Variants in UNC13B observed in about 807,000 individuals in gnomAD.
UNC13B encodes protein unc-13 homolog B.
A neutral mutation model predicts 211.0 loss-of-function variants in UNC13B; 144 were observed. The ratio of observed to expected loss-of-function variants is 0.68; its 90% CI spans 0.60 to 0.78. The LOEUF is 0.78. Among genes scored for constraint, UNC13B ranks in the 30% least tolerant of loss-of-function variants. The pLI is 0.00. For synonymous variants in UNC13B, 709 were observed against 725.8 expected, an observed-to-expected ratio of 0.98 and a Z score of 0.37; for missense variants, 1,777 against 2,002.0, an observed-to-expected ratio of 0.89 and a Z score of 2.14.
chr9:35,241,485 C>T (rs947149046), intron 5 of UNC13B, among the ~76,000 whole-genome samples: 4 of 151,630 alleles, frequency 2.6e-5, no homozygotes, highest in African/African-American at 9.7e-5. Flanking sequence ...TTCAGAAATC[C>T]ATTTTCTTCC....
intron 11 of UNC13B, among the ~76,000 whole-genome samples, chr9:35,346,022 T>C (rs1237696509): frequency 6.6e-6 from 1 of 152,220 alleles, no homozygotes; most frequent in Non-Finnish European, 1.5e-5. Flanking sequence ...ACTGGGACCT[T>C]GCTAAGCCTT....
chr9:35,318,597 C>T (rs559873293), intron 11 of UNC13B, among the ~76,000 whole-genome samples: 1 of 152,328 alleles, frequency 6.6e-6, no homozygotes, highest in East Asian at 1.9e-4. Context: ...TCCATATCAG[C>T]TCTAAGAAAA....
At chr9:35,226,353 G>T (rs928360800) in intron 1 of UNC13B, among the ~76,000 whole-genome samples, 8 of 150,546 alleles carry the variant, frequency 5.3e-5, no homozygotes, top group African/African-American at 1.9e-4. Flanking sequence ...GAACTGATAG[G>T]GTGTGTGTGT....
chr9:35,172,471 T>C (rs1821386296), intron 1 of UNC13B, among the ~76,000 whole-genome samples: 1 of 152,192 alleles, frequency 6.6e-6, no homozygotes, highest in Non-Finnish European at 1.5e-5. Context: ...ATCCTCCCTC[T>C]CCTGTTTCCT....
rs1057284236 is a variant in UNC13B at position 35,388,095 on chromosome 9, A to G, written c.11095-1751A>G. ...AATGCTTGGAGGCACAGAATTATGT[A>G]TGAGCTTGTTAATTTAAAGAAATAT... On this transcript the variant is annotated intron_variant, in intron 24 of 39. Coordinates refer to ENST00000635942, the MANE Select transcript of UNC13B (RefSeq NM_001371189.2). Among the ~76,000 whole-genome samples the G allele has an allele frequency of 3.3e-5, 5 of 152,078 alleles. No homozygotes were observed. In the East Asian group the frequency reaches 5.8e-4, roughly 18 times the overall value.
At chr9:35,277,683 A>G (rs1011196699) in intron 7 of UNC13B, among the ~76,000 whole-genome samples, 1 of 152,156 alleles carries the variant, frequency 6.6e-6, no homozygotes, top group African/African-American at 2.4e-5. Context: ...AGGCTAGGAA[A>G]GAATTAATGG....
intron 25 of UNC13B, 112 bp from the exon 26 acceptor site, chr9:35,390,517 G>A (rs941298360): frequency 9.2e-6 from 11 of 1,201,416 alleles, no homozygotes; most frequent in Non-Finnish European, 1.3e-5. Flanking sequence ...TGTTCCCTAA[G>A]CATCTCCTCT....
At chr9:35,283,000 A>G (rs1564111988) in intron 7 of UNC13B, among the ~76,000 whole-genome samples, 1 of 152,304 alleles carries the variant, frequency 6.6e-6, no homozygotes, top group East Asian at 1.9e-4. Context: ...GTTTGAGTAT[A>G]CTATAATTTA....
At chr9:35,215,934 T>C (rs1438768064) in intron 1 of UNC13B, among the ~76,000 whole-genome samples, 2 of 152,192 alleles carry the variant, frequency 1.3e-5, no homozygotes, top group African/African-American at 4.8e-5. Context: ...AATAACATTT[T>C]TGTAAATAAA....
intron 1 of UNC13B, among the ~76,000 whole-genome samples, chr9:35,181,679 A>G (rs951865983): frequency 6.6e-6 from 1 of 152,066 alleles, no homozygotes; most frequent in African/African-American, 2.4e-5. Flanking sequence ...TTTACTAAAA[A>G]TATAAAAATT....
intron 7 of UNC13B, among the ~76,000 whole-genome samples, chr9:35,286,226 CTTTTT>C (rs777657602): frequency 2.5e-5 from 3 of 117,662 alleles, no homozygotes; most frequent in Non-Finnish European, 5.3e-5. Flanking sequence ...AAGCTTGGAA[CTTTTT>C]TTTTTTTTTT....
Position 35,182,989 on chromosome 9 carries a change from C to T in UNC13B, c.22+20684C>T, listed in dbSNP as rs527319064. ...CCGTTCTTGATGGTCGCTGTCTCTTCAGAGCTGTTGGGTACACTTCCCAGA... is the reference window on the plus strand; with the variant it reads ...CCGTTCTTGATGGTCGCTGTCTCTTTAGAGCTGTTGGGTACACTTCCCAGA... On this transcript the variant is annotated intron_variant, in intron 1 of 39. Coordinates refer to ENST00000635942, the MANE Select transcript of UNC13B (RefSeq NM_001371189.2). Among the ~76,000 whole-genome samples, 69 of 152,306 alleles carry T rather than the reference C, an allele frequency of 4.5e-4. No homozygotes were observed. The East Asian group carries it at 0.013, about 29-fold the overall frequency.
At chr9:35,365,908 C>G (rs1833740980) in intron 11 of UNC13B, among the ~76,000 whole-genome samples, 1 of 152,188 alleles carries the variant, frequency 6.6e-6, no homozygotes, top group African/African-American at 2.4e-5. Context: ...CCAGGTAATT[C>G]TCCCTCACTT....
chr9:35,168,649 T>G (rs1034628137), intron 1 of UNC13B, among the ~76,000 whole-genome samples: 1 of 152,100 alleles, frequency 6.6e-6, no homozygotes, highest in Non-Finnish European at 1.5e-5. Context: ...GTGATTTCCA[T>G]GTACTTTTCT....
At chr9:35,393,305 C>T (rs1279735072) in intron 26 of UNC13B, among the ~76,000 whole-genome samples, 2 of 151,958 alleles carry the variant, frequency 1.3e-5, no homozygotes, top group Non-Finnish European at 2.9e-5. Context: ...ATGTACAAGC[C>T]GAAACCTGAA....
chr9:35,218,688 C>T (rs962979350), intron 1 of UNC13B, among the ~76,000 whole-genome samples: 13 of 151,842 alleles, frequency 8.6e-5, no homozygotes, highest in African/African-American at 2.7e-4. Context: ...TGAGCCACCG[C>T]GTCTGGTTAA....
rs1829679970 is a variant in UNC13B, at chr9:35,301,476, A to T, written c.2072A>T (p.Glu691Val). The T allele has an allele frequency of 2.0e-5, 8 of 398,612 alleles. No individual in the cohort carries two copies. The highest frequency in any genetic ancestry group is 3.5e-5 in the Non-Finnish European group (8 of 225,920). 24.7% of individuals were successfully genotyped at this position (398,612 alleles called of 1,614,324 possible). A position where few individuals can be genotyped will look rare whatever the true frequency, so the allele number is the denominator to read the frequency against. ...GAAAGCTTTGTTGAGTGTGGTTTGG[A>T]GTTAAATAAAAGGGAAGGCACTCTT... ...RKESFVECGL[E>V]LNKREGTLDN... The change falls in exon 9 of 40, where the codon GAG becomes GTG. Residue 691 changes from glutamate to valine, a missense_variant. Glu to Val is a moderately radical substitution (Grantham distance 121, BLOSUM62 -2). Transcript: ENST00000635942.
intron 1 of UNC13B, among the ~76,000 whole-genome samples, chr9:35,177,677 T>C (rs1370638839): frequency 6.6e-6 from 1 of 152,208 alleles, no homozygotes; most frequent in Non-Finnish European, 1.5e-5. Context: ...TAAACATTTA[T>C]TGAGCACTTA....
In UNC13B at chr9:35,310,698, C is replaced by T. The variant is rs1830141447; in HGVS notation, c.9240C>T (p.Pro3080=). The T allele has an allele frequency of 3.1e-6, 5 of 1,613,806 alleles. No individual in the cohort carries two copies. The highest frequency in any genetic ancestry group is 1.3e-5 in the African/African-American group (1 of 74,818). The change falls in exon 10 of 40, where the codon CCC becomes CCT. Residue 3080 remains proline, a synonymous_variant. Transcript: ENST00000635942. ...GQAEKEAACE[P]KEMKEDATTH... is the part of the protein sequence containing the mutation. ...CAGAGAAGGAGGCAGCATGTGAACC[C>T]AAGGAGATGAAAGAAGATGCCACAA...
Sources: gnomAD v4.1 joint callset for allele counts (sites outside exome capture counted in the v4.1 genomes callset) on GRCh38, gnomAD v4.1.1 for gene constraint, MANE v1.5 for transcripts, NCBI Gene and HGNC (gene_info 2026-07-23, HGNC 2026-07-21) for gene names.